Variants in ZNF385D observed in about 807,000 individuals in gnomAD.
ZNF385D encodes zinc finger protein 385D.
A neutral mutation model predicts 35.8 loss-of-function variants in ZNF385D; 15 were observed. The observed-to-expected ratio is 0.42, with a 90% CI of 0.28 to 0.64. ZNF385D has a LOEUF of 0.64. ZNF385D is among the 30% of genes least tolerant of loss of function. The pLI, the probability that ZNF385D is intolerant of heterozygous loss-of-function variation, is 0.23. For synonymous variants in ZNF385D, 212 were observed against 186.8 expected, an observed-to-expected ratio of 1.13 and a Z score of -1.10; for missense variants, 474 against 494.6, an observed-to-expected ratio of 0.96 and a Z score of 0.39.
intron 2 of ZNF385D, among the ~76,000 whole-genome samples, chr3:22,371,648 C>G (rs940703374): frequency 1.3e-5 from 2 of 152,156 alleles, no homozygotes; most frequent in Admixed American, 1.3e-4. Context: ...CAAATTCATA[C>G]ACACAATAAA....
chr3:21,715,326 C>T (rs544437531), intron 1 of ZNF385D, among the ~76,000 whole-genome samples: 12 of 152,124 alleles, frequency 7.9e-5, no homozygotes, highest in Admixed American at 1.3e-4. Context: ...TAAGCACCCA[C>T]GTATGGGTGA....
intron 2 of ZNF385D, among the ~76,000 whole-genome samples, chr3:22,356,677 T>C (rs1696164563): frequency 6.6e-6 from 1 of 151,974 alleles, no homozygotes; most frequent in Non-Finnish European, 1.5e-5. Flanking sequence ...ACTTAATTCC[T>C]TAAGAGATGG....
At position 22,259,949 on chromosome 3, in the gene ZNF385D, G is replaced by C. The variant is rs1307156605; in HGVS notation, c.107-90914C>G. Reference sequence around the variant, plus strand: ...TCCCTACTTTCAATAACCTCAAAATGTACATAAAAGAGAAAAGGATTGTTA... The same window carrying C: ...TCCCTACTTTCAATAACCTCAAAATCTACATAAAAGAGAAAAGGATTGTTA... On this transcript the variant is annotated intron_variant, in intron 2 of 5. Coordinates refer to the ZNF385D transcript ENST00000494108. 2.0e-5 allele frequency among the ~76,000 whole-genome samples: 3 copies of C among 151,864 alleles called. No individual in the cohort carries two copies. The East Asian group carries it at 5.8e-4, about 30-fold the overall frequency.
intron 2 of ZNF385D, among the ~76,000 whole-genome samples, chr3:22,204,138 G>A (rs1238374640): frequency 6.6e-6 from 1 of 152,040 alleles, no homozygotes. Context: ...GCTCAGCAGA[G>A]AGAGGAGACT....
At position 22,201,485 on chromosome 3, in the gene ZNF385D, C is replaced by A. The variant is rs572032650; in HGVS notation, c.107-32450G>T. ...TTATACGTCGGAAATAATTGATGAG[C>A]ACTTGTTTAGAGAAATACATTTTCA... On this transcript the variant is annotated intron_variant, in intron 2 of 5. Coordinates refer to the ZNF385D transcript ENST00000494108. 3.3e-5 allele frequency among the ~76,000 whole-genome samples: 5 copies of A among 151,976 alleles called. No individual in the cohort carries two copies. In the South Asian group the frequency reaches 1.0e-3, roughly 32 times the overall value.
At chr3:21,815,496 A>G (rs1010476110) in intron 3 of ZNF385D, among the ~76,000 whole-genome samples, 1 of 152,230 alleles carries the variant, frequency 6.6e-6, no homozygotes, top group Non-Finnish European at 1.5e-5. Flanking sequence ...GATAAAGGGG[A>G]TATCACCACT....
At chr3:21,549,881 C>T (rs1394101943) in intron 3 of ZNF385D, among the ~76,000 whole-genome samples, 2 of 152,114 alleles carry the variant, frequency 1.3e-5, no homozygotes, top group Non-Finnish European at 2.9e-5. Context: ...GATGCAGCGG[C>T]AACAACATAC....
intron 2 of ZNF385D, among the ~76,000 whole-genome samples, chr3:22,251,468 G>A (rs1411045690): frequency 6.6e-6 from 1 of 151,978 alleles, no homozygotes; most frequent in Non-Finnish European, 1.5e-5. Flanking sequence ...TTATCTACTT[G>A]GAAATCTCTT....
At chr3:21,742,933 A>T (rs2069588561) in intron 1 of ZNF385D, among the ~76,000 whole-genome samples, 1 of 152,272 alleles carries the variant, frequency 6.6e-6, no homozygotes, top group Non-Finnish European at 1.5e-5. Flanking sequence ...AGTTGGAGAA[A>T]AAGAAATAAA....
chr3:21,996,352 G>A (rs969007700), intron 3 of ZNF385D, among the ~76,000 whole-genome samples: 18 of 152,116 alleles, frequency 1.2e-4, no homozygotes, highest in African/African-American at 2.2e-4. Flanking sequence ...CCAAGTGACC[G>A]TGACCAGGAT....
chr3:21,975,262 T>A (rs570741167), intron 3 of ZNF385D, among the ~76,000 whole-genome samples: 4 of 152,088 alleles, frequency 2.6e-5, no homozygotes, highest in Non-Finnish European at 4.4e-5. Context: ...TACAAGAACA[T>A]GGATGGAACT....
At chr3:21,792,404 A>G (rs531435435) in intron 3 of ZNF385D, among the ~76,000 whole-genome samples, 1 of 152,298 alleles carries the variant, frequency 6.6e-6, no homozygotes, top group South Asian at 2.1e-4. Context: ...TGTTTTTCTA[A>G]ATAACTTTTT....
At chr3:21,982,550 C>G (rs1020059237) in intron 3 of ZNF385D, among the ~76,000 whole-genome samples, 5 of 152,140 alleles carry the variant, frequency 3.3e-5, no homozygotes, top group Non-Finnish European at 7.4e-5. Context: ...TTGACTTCCT[C>G]TCTTCCTATT....
chr3:21,979,539 C>T (rs1449838764), intron 3 of ZNF385D: 3 of 152,162 alleles, frequency 2.0e-5, no homozygotes, highest in Non-Finnish European at 4.4e-5. Flanking sequence ...TGTGGATTTA[C>T]AGTTTCATAT....
intron 3 of ZNF385D, among the ~76,000 whole-genome samples, chr3:21,960,032 A>T (rs1174422421): frequency 6.6e-6 from 1 of 151,988 alleles, no homozygotes; most frequent in African/African-American, 2.4e-5. Context: ...CAAAAAAAAA[A>T]AAAAAAAGAC....
At chr3:21,702,923 A>G (rs577601631) in intron 1 of ZNF385D, among the ~76,000 whole-genome samples, 37 of 152,316 alleles carry the variant, frequency 2.4e-4, no homozygotes, top group Non-Finnish European at 4.6e-4. Flanking sequence ...TTTCAAAGCC[A>G]TTCAACAAGT....
chr3:21,945,236 G>A (rs1701724806), intron 3 of ZNF385D, among the ~76,000 whole-genome samples: 2 of 151,776 alleles, frequency 1.3e-5, no homozygotes, highest in African/African-American at 4.8e-5. Flanking sequence ...ACAGAGAGAG[G>A]AGAAAGAGAA....
intron 4 of ZNF385D, among the ~76,000 whole-genome samples, chr3:21,470,549 TA>T (rs1703817874): frequency 6.6e-6 from 1 of 152,260 alleles, no homozygotes; most frequent in South Asian, 2.1e-4. Context: ...TGAAAATATA[TA>T]AAGAAAAGGC....
At chr3:22,017,287 A>G (rs565687869) in intron 3 of ZNF385D, among the ~76,000 whole-genome samples, 115 of 152,218 alleles carry the variant, frequency 7.6e-4, no homozygotes, top group Non-Finnish European at 1.3e-3. Context: ...TTTTTCATAT[A>G]AAATAACTCC....
Sources: allele counts gnomAD v4.1 joint callset (sites outside exome capture counted in the v4.1 genomes callset), GRCh38; gene constraint gnomAD v4.1.1; transcripts MANE v1.5; gene names NCBI Gene and HGNC (gene_info 2026-07-23, HGNC 2026-07-21).